MYO5A: variants seen among roughly 807,000 people sequenced by gnomAD.
MYO5A encodes myosin VA.
MYO5A carries 98 observed loss-of-function variants against 249.7 expected under a neutral mutation model. That is an observed-to-expected ratio of 0.39 (90% confidence interval 0.33 to 0.46). The LOEUF is 0.46. Among genes scored for constraint, MYO5A ranks in the 20% least tolerant of loss-of-function variants. MYO5A has a pLI of 0.98. For missense variants in MYO5A, 1,696 were observed against 2,308.8 expected, an observed-to-expected ratio of 0.73 and a Z score of 5.44; for synonymous variants, 778 against 810.6, an observed-to-expected ratio of 0.96 and a Z score of 0.68.
chr15:52,458,015 T>C (rs1462358990), intron 1 of MYO5A, among the ~76,000 whole-genome samples: 2 of 152,150 alleles, frequency 1.3e-5, no homozygotes, highest in Non-Finnish European at 2.9e-5. Context: ...GAAAAACAAA[T>C]ATCACACATT....
At chr15:52,510,192 C>T (rs948477588) in intron 1 of MYO5A, among the ~76,000 whole-genome samples, 4 of 152,184 alleles carry the variant, frequency 2.6e-5, no homozygotes, top group African/African-American at 7.2e-5. Context: ...CTCAAATCTA[C>T]GCAATTTCAA....
intron 33 of MYO5A, 35 bp from the exon 34 acceptor site, chr15:52,336,591 C>A: frequency 6.9e-7 from 1 of 1,441,292 alleles, no homozygotes; most frequent in South Asian, 1.2e-5. Context: ...TTAGAAAAAT[C>A]GAAACAGGCC....
chr15:52,419,650 G>T (rs916549194), intron 4 of MYO5A, among the ~76,000 whole-genome samples: 7 of 152,168 alleles, frequency 4.6e-5, no homozygotes, highest in African/African-American at 1.7e-4. Flanking sequence ...AGACTTCTCA[G>T]GAAATGAAAA....
chr15:52,464,168 G>A (rs1001495483), intron 1 of MYO5A, among the ~76,000 whole-genome samples: 1 of 152,186 alleles, frequency 6.6e-6, no homozygotes, highest in African/African-American at 2.4e-5. Context: ...TTTGTCGCCA[G>A]CCCAACCCCA....
intron 1 of MYO5A, among the ~76,000 whole-genome samples, chr15:52,501,456 C>G (rs2077157144): frequency 6.6e-6 from 1 of 151,934 alleles, no homozygotes. Flanking sequence ...CAAAAATTAG[C>G]TGGGCGTGGT....
At chr15:52,458,119 G>C (rs891867238) in intron 1 of MYO5A, among the ~76,000 whole-genome samples, 1 of 152,204 alleles carries the variant, frequency 6.6e-6, no homozygotes, top group Non-Finnish European at 1.5e-5. Flanking sequence ...TGTGGCAGTA[G>C]AGGGATAAAG....
At chr15:52,492,932 A>G (rs1000047105) in intron 1 of MYO5A, among the ~76,000 whole-genome samples, 2 of 152,216 alleles carry the variant, frequency 1.3e-5, no homozygotes, top group African/African-American at 4.8e-5. Flanking sequence ...TTTTAAACAT[A>G]GGAGAAAACT....
chr15:52,391,835 A>G (rs770628696), intron 12 of MYO5A, 95 bp downstream of exon 12: 3 of 1,318,704 alleles, frequency 2.3e-6, no homozygotes, highest in African/African-American at 1.4e-5. Flanking sequence ...ACGGCATTCC[A>G]TGATATACTA....
chr15:52,493,349 A>G (rs1189556076), intron 1 of MYO5A, among the ~76,000 whole-genome samples: 1 of 152,200 alleles, frequency 6.6e-6, no homozygotes, highest in East Asian at 1.9e-4. Flanking sequence ...AGAATGGAGA[A>G]TGTTTCTTCC....
At chr15:52,359,945 A>G in intron 25 of MYO5A, 23 bp downstream of exon 25, 1 of 1,521,812 alleles carries the variant, frequency 6.6e-7, no homozygotes, top group South Asian at 1.1e-5. Context: ...TCCTACTTTC[A>G]GTGACAGATG....
intron 40 of MYO5A, among the ~76,000 whole-genome samples, chr15:52,316,233 C>CAAAAAA (rs5812596): frequency 8.9e-4 from 54 of 60,346 alleles, no homozygotes; most frequent in Admixed American, 1.3e-3. Context: ...GACTCCGTCA[C>CAAAAAA]AAAAAAAAAA....
rs963264991 is a variant in MYO5A, at chr15:52,415,673, T to C, written c.612+472A>G. Among the ~76,000 whole-genome samples the C allele has an allele frequency of 5.3e-5, 8 of 152,106 alleles. No individual in the cohort carries two copies. The South Asian group carries it at 1.5e-3, about 28-fold the overall frequency. On this transcript the variant is annotated intron_variant, in intron 5 of 41. Coordinates refer to ENST00000399233, the MANE Select transcript of MYO5A (RefSeq NM_001382347.1). ...ATATTAAAATTTAAGCCAACTGAGG[T>C]CGGACTAAGTACAGAAAATGAAATA...
At chr15:52,471,857 C>A (rs894918423) in intron 1 of MYO5A, among the ~76,000 whole-genome samples, 1 of 151,846 alleles carries the variant, frequency 6.6e-6, no homozygotes, top group Non-Finnish European at 1.5e-5. Context: ...CACCACCATG[C>A]GTGGCGAATT....
intron 25 of MYO5A, among the ~76,000 whole-genome samples, chr15:52,359,647 TC>T (rs2040418769): frequency 6.6e-6 from 1 of 152,136 alleles, no homozygotes; most frequent in Non-Finnish European, 1.5e-5. Context: ...ATAATTTACC[TC>T]AGTCTGAAAT....
intron 1 of MYO5A, among the ~76,000 whole-genome samples, chr15:52,485,383 G>T (rs2076798556): frequency 1.3e-5 from 2 of 152,022 alleles, no homozygotes; most frequent in Non-Finnish European, 2.9e-5. Context: ...GAATTAAGGG[G>T]ACAATTAGAA....
chr15:52,372,491 C>G (rs148562913), intron 20 of MYO5A, 128 bp from the exon 21 acceptor site: 2 of 1,258,664 alleles, frequency 1.6e-6, no homozygotes, highest in Admixed American at 2.0e-5. Context: ...TGACAATGTA[C>G]TATGTAGATT....
chr15:52,523,981 A>G (rs2077677945), intron 1 of MYO5A, among the ~76,000 whole-genome samples: 1 of 152,246 alleles, frequency 6.6e-6, no homozygotes, highest in African/African-American at 2.4e-5. Context: ...GCCATAGAAT[A>G]TAAAAGTGGA....
At chr15:52,381,782 T>TCTCACACACACACACA (rs11280608) in intron 16 of MYO5A, among the ~76,000 whole-genome samples, 22 of 137,872 alleles carry the variant, frequency 1.6e-4, no homozygotes, top group Non-Finnish European at 3.1e-4. Context: ...TCTCTCTCTC[T>TCTCACACACACACACA]CACACACACA....
At chr15:52,354,133 A>C in intron 25 of MYO5A, 119 bp from the exon 26 acceptor site, 1 of 1,152,574 alleles carries the variant, frequency 8.7e-7, no homozygotes, top group Non-Finnish European at 1.2e-6. Flanking sequence ...AAATACAAAC[A>C]TCTAGAGAAT....
Sources: allele counts gnomAD v4.1 joint callset (sites outside exome capture counted in the v4.1 genomes callset), GRCh38; gene constraint gnomAD v4.1.1; transcripts MANE v1.5; gene names NCBI Gene and HGNC (gene_info 2026-07-23, HGNC 2026-07-21).